The following TMEM26 variants were observed in gnomAD, a reference collection of about 807,000 sequenced individuals.
TMEM26 encodes transmembrane protein 26.
Under a neutral mutation model 28.8 loss-of-function variants are expected in TMEM26, and 38 were observed. The observed-to-expected ratio is 1.32, with a 90% confidence interval of 1.02 to 1.73. The LOEUF (loss-of-function observed/expected upper bound fraction) is 1.73, where lower values mean the gene tolerates loss of function less well. Ranked by LOEUF, TMEM26 falls within the 40% of genes most tolerant of loss-of-function variation. The pLI is 0.00. For synonymous variants in TMEM26, 227 were observed against 182.9 expected (o/e 1.24, Z -1.95); for missense variants, 518 against 447.1 (o/e 1.16, Z -1.43).
chr10:61,435,993 G>GT (rs931377213), intron 2 of TMEM26, among the ~76,000 whole-genome samples, 177 bp downstream of exon 2: 34 of 151,134 alleles, frequency 2.2e-4, no homozygotes, highest in East Asian at 1.2e-3. Flanking sequence ...TTTTATTGGA[G>GT]TTTTTTTTTG....
intron 4 of TMEM26, among the ~76,000 whole-genome samples, chr10:61,422,346 A>G (rs567059519): frequency 6.6e-6 from 1 of 152,272 alleles, no homozygotes; most frequent in South Asian, 2.1e-4. Flanking sequence ...CCCAACACCA[A>G]GTAAAGACAC....
intron 5 of TMEM26, among the ~76,000 whole-genome samples, chr10:61,411,438 T>C (rs981818955): frequency 2.6e-5 from 4 of 152,238 alleles, no homozygotes; most frequent in African/African-American, 9.6e-5. Flanking sequence ...CTGATCATTC[T>C]ATATACTCTT....
At chr10:61,424,692 C>G (rs185481367) in intron 4 of TMEM26, among the ~76,000 whole-genome samples, 5 of 152,092 alleles carry the variant, frequency 3.3e-5, no homozygotes, top group African/African-American at 1.2e-4. Context: ...CTACATAATC[C>G]TGACAGTGTG....
At chr10:61,451,986 G>T (rs1220655582) in intron 1 of TMEM26, among the ~76,000 whole-genome samples, 2 of 148,706 alleles carry the variant, frequency 1.3e-5, no homozygotes, top group East Asian at 2.0e-4. Context: ...TTAATGTATT[G>T]ATATATATAT....
At chr10:61,430,658 C>T (rs1389681185) in intron 3 of TMEM26, among the ~76,000 whole-genome samples, 1 of 151,336 alleles carries the variant, frequency 6.6e-6, no homozygotes, top group Non-Finnish European at 1.5e-5. Context: ...TAATCTCTTT[C>T]CTATATACTA....
At chr10:61,418,452 A>G (rs906956163) in intron 4 of TMEM26, among the ~76,000 whole-genome samples, 1 of 152,096 alleles carries the variant, frequency 6.6e-6, no homozygotes, top group Non-Finnish European at 1.5e-5. Context: ...AAAGGGGCAG[A>G]AACAGAATTT....
rs997408872 is a variant in TMEM26, at chr10:61,452,910, G to A, written c.172C>T (p.Arg58Cys). ...TCTCACCATTTGTAGCCTCTGCCGC[G>A]CTTGAACTTGAGGGTGAGCGCAGTC... ...LETALTLKFK[R>C]GRGYKWFSPA... The change falls in exon 1 of 6, where the codon CGC becomes TGC. Residue 58 changes from arginine to cysteine, a missense_variant. Coordinates refer to ENST00000399298, the MANE Select transcript of TMEM26 (RefSeq NM_178505.8). The A allele has an allele frequency of 2.5e-6, 4 of 1,613,380 alleles. No homozygotes were observed. The highest frequency in any genetic ancestry group is 2.7e-5 in the African/African-American group (2 of 74,900).
At chr10:61,413,988 C>T (rs914710724) in intron 4 of TMEM26, 37 of 986,888 alleles carry the variant, frequency 3.7e-5, no homozygotes, top group Non-Finnish European at 3.9e-5. Flanking sequence ...AAAAACTCAA[C>T]ATTGAAATAA....
In TMEM26 at chr10:61,408,143, C is replaced by T. The variant is rs1839518853; in HGVS notation, c.*2179G>A. On this transcript the variant is annotated 3_prime_UTR_variant, in exon 6 of 6. Coordinates refer to ENST00000399298, the MANE Select transcript of TMEM26 (RefSeq NM_178505.8). ...GTACTGGCAGCTAGGTTAACAAATG[C>T]TGCCCCAAGCAGATTTTCCTGGAAA... is the stretch of plus-strand genomic sequence containing the variant. 1 of 152,092 alleles carries T rather than the reference C, an allele frequency of 6.6e-6. No homozygotes were observed. The highest frequency in any genetic ancestry group is 1.5e-5 in the Non-Finnish European group (1 of 68,028). The allele number at this position is 152,092 out of a possible 1,614,324, so 9.4% of individuals were successfully genotyped here. A position where few individuals can be genotyped will look rare whatever the true frequency, so the allele number is the denominator to read the frequency against.
chr10:61,432,176 T>C (rs997970556), intron 2 of TMEM26, among the ~76,000 whole-genome samples: 3 of 152,030 alleles, frequency 2.0e-5, no homozygotes, highest in Non-Finnish European at 4.4e-5. Context: ...AACTAAAATA[T>C]CATATTGCTT....
intron 4 of TMEM26, among the ~76,000 whole-genome samples, chr10:61,427,343 G>A (rs959332692): frequency 2.6e-5 from 4 of 152,016 alleles, no homozygotes; most frequent in Non-Finnish European, 4.4e-5. Context: ...AGGACTGTGT[G>A]TCCTTTTACT....
intron 5 of TMEM26, among the ~76,000 whole-genome samples, chr10:61,410,992 A>T (rs1839560230): frequency 6.6e-6 from 1 of 152,222 alleles, no homozygotes; most frequent in African/African-American, 2.4e-5. Flanking sequence ...CCCTGGGCAA[A>T]GCACAATTAA....
At chr10:61,449,501 T>A (rs1295117631) in intron 1 of TMEM26, among the ~76,000 whole-genome samples, 1 of 152,224 alleles carries the variant, frequency 6.6e-6, no homozygotes. Context: ...ATGTTTGCTG[T>A]GTTTCAAAAT....
intron 4 of TMEM26, among the ~76,000 whole-genome samples, chr10:61,419,014 C>G (rs1238498583): frequency 6.6e-6 from 1 of 152,006 alleles, no homozygotes; most frequent in Non-Finnish European, 1.5e-5. Flanking sequence ...ATTGACTGAC[C>G]AAAAACTACA....
chr10:61,431,196 A>T (rs1438250181), intron 3 of TMEM26, 23 bp downstream of exon 3: 1 of 1,581,838 alleles, frequency 6.3e-7, no homozygotes, highest in East Asian at 2.2e-5. Context: ...AGATCCTTTA[A>T]TAAACAGTGG....
At chr10:61,429,543 A>C (rs1226587151) in intron 3 of TMEM26, among the ~76,000 whole-genome samples, 2 of 152,058 alleles carry the variant, frequency 1.3e-5, no homozygotes, top group Non-Finnish European at 2.9e-5. Flanking sequence ...TCTTTAATAG[A>C]TTTTTAAATC....
At chr10:61,443,286 C>T (rs547212941) in intron 1 of TMEM26, among the ~76,000 whole-genome samples, 1 of 140,908 alleles carries the variant, frequency 7.1e-6, no homozygotes, top group Non-Finnish European at 1.5e-5. Context: ...CCTGTCTCTA[C>T]TAAAAATACC....
At chr10:61,452,205 C>A (rs887070999) in intron 1 of TMEM26, among the ~76,000 whole-genome samples, 2 of 152,194 alleles carry the variant, frequency 1.3e-5, no homozygotes, top group African/African-American at 4.8e-5. Flanking sequence ...GTAGTTATTG[C>A]ACACAGACGT....
intron 4 of TMEM26, among the ~76,000 whole-genome samples, chr10:61,415,384 A>G (rs1197585884): frequency 1.3e-5 from 2 of 152,096 alleles, no homozygotes; most frequent in Non-Finnish European, 2.9e-5. Flanking sequence ...TTCCCTCTTT[A>G]CACAGTCAAT....
Sources: gnomAD v4.1 joint callset for allele counts (sites outside exome capture counted in the v4.1 genomes callset) on GRCh38, gnomAD v4.1.1 for gene constraint, MANE v1.5 for transcripts, NCBI Gene and HGNC (gene_info 2026-07-23, HGNC 2026-07-21) for gene names.